BIN3: variants seen among roughly 807,000 people sequenced by gnomAD.
The protein encoded by BIN3 is bridging integrator 3.
A neutral mutation model predicts 38.2 loss-of-function variants in BIN3; 41 were observed. The observed-to-expected ratio is 1.07, with a 90% CI of 0.84 to 1.39. The LOEUF is 1.39. Ranked by LOEUF, BIN3 falls within the 40% of genes most tolerant of loss-of-function variation. The pLI, the probability that BIN3 is intolerant of heterozygous loss-of-function variation, is 0.00. For missense variants in BIN3, 361 were observed against 324.3 expected (o/e 1.11, Z -0.87); for synonymous variants, 145 against 122.6 (o/e 1.18, Z -1.21).
At chr8:22,659,807 CA>C (rs1803174653) in intron 1 of BIN3, among the ~76,000 whole-genome samples, 2 of 152,218 alleles carry the variant, frequency 1.3e-5, no homozygotes, top group South Asian at 4.1e-4. Flanking sequence ...ATAATTTACT[CA>C]TCTTCTAGGG....
At chr8:22,640,017 G>A (rs1279148442) in intron 2 of BIN3, among the ~76,000 whole-genome samples, 8 of 151,258 alleles carry the variant, frequency 5.3e-5, no homozygotes, top group African/African-American at 1.7e-4. Context: ...ATGTGCCACC[G>A]CGCCTGGCTA....
At chr8:22,625,043 C>T (rs552880097) in intron 6 of BIN3, 5 of 407,038 alleles carry the variant, frequency 1.2e-5, no homozygotes, top group Admixed American at 3.7e-5. Flanking sequence ...TCTGGCTCTG[C>T]CATTGGAACC....
At chr8:22,637,522 C>T (rs1364805905) in intron 2 of BIN3, among the ~76,000 whole-genome samples, 1 of 152,234 alleles carries the variant, frequency 6.6e-6, no homozygotes, top group African/African-American at 2.4e-5. Context: ...ACTGTGACTA[C>T]TGACTCAGGT....
intron 1 of BIN3, among the ~76,000 whole-genome samples, chr8:22,647,681 C>T (rs900182350): frequency 1.5e-4 from 23 of 152,158 alleles, no homozygotes; most frequent in African/African-American, 4.3e-4. Flanking sequence ...ATGTACACCA[C>T]GCAGACGGAA....
intron 1 of BIN3, among the ~76,000 whole-genome samples, chr8:22,661,323 A>G (rs1284909380): frequency 1.3e-5 from 2 of 148,792 alleles, no homozygotes; most frequent in African/African-American, 4.9e-5. Context: ...TAATGTTTAC[A>G]TAAATAGTAC....
chr8:22,644,868 A>C, intron 1 of BIN3, 65 bp from the exon 2 acceptor site: 1 of 1,421,284 alleles, frequency 7.0e-7, no homozygotes, highest in South Asian at 1.2e-5. Flanking sequence ...TCAAAGTATC[A>C]GTACAGTACA....
At chr8:22,645,308 A>C (rs1037279161) in intron 1 of BIN3, among the ~76,000 whole-genome samples, 37 of 152,010 alleles carry the variant, frequency 2.4e-4, no homozygotes, top group African/African-American at 8.5e-4. Context: ...CAAAAAAAAA[A>C]ACACAAAAAA....
intron 2 of BIN3, among the ~76,000 whole-genome samples, chr8:22,640,931 G>A (rs1054363720): frequency 6.6e-6 from 1 of 152,294 alleles, no homozygotes; most frequent in African/African-American, 2.4e-5. Context: ...CAGCCTGAGA[G>A]GAGTTTGGAC....
rs1802164631 is a variant in BIN3 at position 22,630,643 on chromosome 8, G to A, written c.161-65C>T. ...GCAGGTTTCACGGCCTTCTCTCCAG[G>A]ACCCCGTCCTCCTATGCCAGGGGCC... On this transcript the variant is annotated intron_variant, in intron 4 of 8. Coordinates refer to ENST00000276416, the MANE Select transcript of BIN3 (RefSeq NM_018688.6). The A allele has an allele frequency of 3.2e-6, 5 of 1,585,368 alleles. No homozygotes were observed. The Admixed American group carries it at 6.9e-5, about 22-fold the overall frequency.
intron 1 of BIN3, among the ~76,000 whole-genome samples, chr8:22,647,688 G>A (rs1009315737): frequency 1.3e-5 from 2 of 152,092 alleles, no homozygotes; most frequent in African/African-American, 4.8e-5. Context: ...CCACGCAGAC[G>A]GAACAGCTCT....
At chr8:22,663,870 T>C (rs1297864862) in intron 1 of BIN3, among the ~76,000 whole-genome samples, 4 of 152,192 alleles carry the variant, frequency 2.6e-5, no homozygotes, top group Admixed American at 6.5e-5. Context: ...TAAAATTACA[T>C]CTGCTTCAAG....
At chr8:22,658,800 G>C (rs1028353256) in intron 1 of BIN3, among the ~76,000 whole-genome samples, 2 of 152,220 alleles carry the variant, frequency 1.3e-5, no homozygotes, top group Non-Finnish European at 2.9e-5. Flanking sequence ...GGGAGGTAAG[G>C]GAGGTGAGAA....
In BIN3 at chr8:22,624,485, C is replaced by A. The variant is rs1801948341; in HGVS notation, c.339-122G>T. 4 of 1,332,646 alleles carry A rather than the reference C, an allele frequency of 3.0e-6. No homozygotes were observed. The South Asian group carries it at 4.3e-5, about 14-fold the overall frequency. The allele number at this position is 1,332,646 out of a possible 1,614,324, so 82.6% of individuals were successfully genotyped here. ...GTCCGCTCTTGGAGGGGCGTCCTGG[C>A]CAGCACTCACTTGTCCAAAAATGTG... On this transcript the variant is annotated intron_variant, in intron 6 of 8. Transcript: ENST00000276416.
In BIN3 at chr8:22,621,419, G is replaced by A; in HGVS notation, c.*3C>T. The A allele has an allele frequency of 6.2e-7, 1 of 1,612,404 alleles. No individual in the cohort carries two copies. On this transcript the variant is annotated 3_prime_UTR_variant, in exon 9 of 9. Coordinates refer to ENST00000276416, the MANE Select transcript of BIN3 (RefSeq NM_018688.6). ...ACAGGAGTCCTCCAAGAGTGACGGGGATTCAGTCATCGGCCACAATGGAGA... is the reference window on the plus strand; with the variant it reads ...ACAGGAGTCCTCCAAGAGTGACGGGAATTCAGTCATCGGCCACAATGGAGA...
intron 1 of BIN3, among the ~76,000 whole-genome samples, chr8:22,645,986 C>G (rs866235889): frequency 6.6e-6 from 1 of 152,196 alleles, no homozygotes; most frequent in Non-Finnish European, 1.5e-5. Flanking sequence ...CATGGCACAG[C>G]GGAAGGAGGA....
chr8:22,653,440 T>G (rs1342998465), intron 1 of BIN3, among the ~76,000 whole-genome samples: 1 of 152,250 alleles, frequency 6.6e-6, no homozygotes. Flanking sequence ...TTGTGTTCCA[T>G]TATTTTTAAA....
Position 22,629,977 on chromosome 8 carries a change from C to G in BIN3, c.325G>C (p.Glu109Gln), listed in dbSNP as rs201978151. ...ACATTTACTCACTTTTTTAAGGGCT[C>G]GATCACAGTCTTCTGGATCTGGTTC... The part of the protein sequence containing the change: ...KVNQIQKTVI[E>Q]PLKKFGSVFP... Residue 109 changes from glutamate (E) to glutamine (Q), a missense_variant, in exon 6 of 9, where the codon GAG (glutamate) becomes CAG (glutamine). Transcript: ENST00000276416. 338 of 1,608,952 alleles carry G rather than the reference C, an allele frequency of 2.1e-4. 3 individuals are homozygous for G. The East Asian group carries it at 5.9e-3, about 28-fold the overall frequency.
At chr8:22,626,271 A>G (rs1802000949) in intron 6 of BIN3, 1 of 152,322 alleles carries the variant, frequency 6.6e-6, no homozygotes, top group African/African-American at 2.4e-5. Flanking sequence ...GAGGGTGGGA[A>G]GCAGACACCA....
chr8:22,667,433 G>A (rs1803456893), intron 1 of BIN3, among the ~76,000 whole-genome samples: 1 of 152,160 alleles, frequency 6.6e-6, no homozygotes, highest in African/African-American at 2.4e-5. Context: ...TTCAGTAAAG[G>A]CCAATCTAGG....
Sources: allele counts gnomAD v4.1 joint callset (sites outside exome capture counted in the v4.1 genomes callset), GRCh38; gene constraint gnomAD v4.1.1; transcripts MANE v1.5; gene names NCBI Gene and HGNC (gene_info 2026-07-23, HGNC 2026-07-21).